EGFL6: variants seen among roughly 807,000 people sequenced by gnomAD.
The protein encoded by EGFL6 is epidermal growth factor-like protein 6.
Under a neutral mutation model 43.1 loss-of-function variants are expected in EGFL6, and 42 were observed. The ratio of observed to expected loss-of-function variants is 0.98; its 90% CI spans 0.76 to 1.26. EGFL6 has a LOEUF of 1.26. Among genes scored for constraint, EGFL6 ranks in the 50% most tolerant of loss-of-function variants. The pLI is 0.00. For missense variants in EGFL6, 429 were observed against 427.8 expected (o/e 1.00, Z -0.02); for synonymous variants, 164 against 163.2 (o/e 1.01, Z -0.04).
intron 11 of EGFL6, among the ~76,000 whole-genome samples, chrX:13,632,395 G>A (rs1208313644): frequency 3.0e-5 from 3 of 100,818 alleles, no homozygotes; most frequent in Admixed American, 1.1e-4. Flanking sequence ...TCCGCCTCCC[G>A]GGTTCACGCC....
At chrX:13,585,123 A>G (rs892062585) in intron 1 of EGFL6, among the ~76,000 whole-genome samples, 3 of 111,696 alleles carry the variant, frequency 2.7e-5, no homozygotes, top group African/African-American at 9.8e-5. Context: ...CTTGATTCAC[A>G]AGACCCTCTG....
intron 2 of EGFL6, among the ~76,000 whole-genome samples, chrX:13,594,394 G>A (rs973051296): frequency 1.8e-5 from 2 of 111,223 alleles, no homozygotes; most frequent in South Asian, 7.6e-4. Context: ...CCATCCTTAG[G>A]GCTAGAAGCA....
At chrX:13,620,173 T>C (rs771671717) in intron 9 of EGFL6, among the ~76,000 whole-genome samples, 1 of 111,511 alleles carries the variant, frequency 9.0e-6, no homozygotes, top group African/African-American at 3.3e-5. Flanking sequence ...TTCTTAGGCA[T>C]GATCCCTAAT....
At chrX:13,607,443 C>G (rs944830369) in intron 6 of EGFL6, among the ~76,000 whole-genome samples, 1 of 111,722 alleles carries the variant, frequency 9.0e-6, no homozygotes, top group African/African-American at 3.3e-5. Context: ...TCTTGTGAAG[C>G]CTCTACAACT....
intron 10 of EGFL6, chrX:13,625,227 C>A (rs4830872): frequency 0.44 from 48,433 of 110,133 alleles, 7,983 homozygotes; most frequent in East Asian, 0.64. Flanking sequence ...CCTGCTCCTC[C>A]TGCACCTCCA....
In EGFL6 at chrX:13,619,093, TTTGA is replaced by T. The variant is rs754805301; in HGVS notation, c.1103-64_1103-61del. 3 of 837,262 alleles carry T rather than the reference TTTGA, an allele frequency of 3.6e-6. No homozygotes were observed. The African/African-American group carries it at 6.0e-5, about 17-fold the overall frequency. 69.0% of individuals were successfully genotyped at this position (837,262 alleles called of 1,213,427 possible). A position where few individuals can be genotyped will look rare whatever the true frequency, so the allele number is the denominator to read the frequency against. Reference sequence around the variant, plus strand: ...TGATCTAACCTTCTTTGTTTGGTCATTTGATTGATACCTTCTGAGCATGTGGGCT... The same window carrying T: ...TGATCTAACCTTCTTTGTTTGGTCATTTGATACCTTCTGAGCATGTGGGCT... On this transcript the variant is annotated intron_variant, in intron 8 of 11. Transcript: ENST00000361306.
At chrX:13,620,123 A>G (rs986707637) in intron 9 of EGFL6, among the ~76,000 whole-genome samples, 5 of 111,257 alleles carry the variant, frequency 4.5e-5, no homozygotes, top group South Asian at 7.7e-4. Context: ...AATCAGGACC[A>G]TTTTTGCGAT....
chrX:13,596,456 C>G (rs1446628294), intron 3 of EGFL6: 1 of 112,290 alleles, frequency 8.9e-6, no homozygotes, highest in African/African-American at 3.2e-5. Context: ...GCTAGCACCT[C>G]CAAACAAGCT....
chrX:13,589,338 A>G (rs927910580), intron 1 of EGFL6, among the ~76,000 whole-genome samples: 2 of 112,156 alleles, frequency 1.8e-5, no homozygotes, highest in Non-Finnish European at 3.8e-5. Flanking sequence ...AGTTTTATAG[A>G]TTCTTTTAAC....
At chrX:13,597,702 T>C (rs1365174085) in intron 3 of EGFL6, among the ~76,000 whole-genome samples, 1 of 111,126 alleles carries the variant, frequency 9.0e-6, no homozygotes, top group African/African-American at 3.3e-5. Flanking sequence ...GAGAATCACA[T>C]GAACCTGGGA....
At chrX:13,588,370 A>G (rs1033430191) in intron 1 of EGFL6, among the ~76,000 whole-genome samples, 7 of 112,484 alleles carry the variant, frequency 6.2e-5, no homozygotes, top group Admixed American at 9.4e-5. Context: ...CAGAAAGCAC[A>G]TGGTAAAATG....
chrX:13,594,369 T>C (rs1323379930), intron 2 of EGFL6, among the ~76,000 whole-genome samples: 1 of 112,136 alleles, frequency 8.9e-6, no homozygotes, highest in East Asian at 2.8e-4. Context: ...ATCATCATCA[T>C]GATGCTTTTA....
chrX:13,617,889 T>G lies in EGFL6; in HGVS notation c.938T>G (p.Leu313Trp), dbSNP rs2045727749. The stretch of plus-strand genomic sequence containing the variant: ...AGGACTCCTACCCCTAAGGTGAACT[T>G]GCAGCCCTTCAACTATGAAGAGATA... ...PTRTPTPKVN[L>W]QPFNYEEIVS... Residue 313 changes from leucine to tryptophan, a missense_variant, in exon 8 of 12, where the codon TTG becomes TGG. Leu to Trp is a moderately conservative substitution (Grantham distance 61, BLOSUM62 -2). Transcript: ENST00000361306. 1 of 1,211,258 alleles carries G rather than the reference T, an allele frequency of 8.3e-7. No homozygotes were observed. Among genetic ancestry groups the G allele is most frequent in the African/African-American group, 1.7e-5 (1 of 57,597 alleles).
chrX:13,619,148 A>G lies in EGFL6; in HGVS notation c.1103-15A>G. The G allele has an allele frequency of 8.3e-7, 1 of 1,204,451 alleles. No individual in the cohort carries two copies. The highest frequency in any genetic ancestry group is 1.1e-6 in the Non-Finnish European group (1 of 888,977). Reference sequence around the variant, plus strand: ...TTAAGGTTTTTTTCTTAACTGACCAAGTGTTCTTTATTAGTCCCTAAGGTG... The same window carrying G: ...TTAAGGTTTTTTTCTTAACTGACCAGGTGTTCTTTATTAGTCCCTAAGGTG... On this transcript the variant is annotated splice_polypyrimidine_tract_variant and intron_variant, in intron 8 of 11. Coordinates refer to ENST00000361306, the MANE Select transcript of EGFL6 (RefSeq NM_015507.4).
chrX:13,589,662 T>A lies in EGFL6; in HGVS notation c.181T>A (p.Cys61Ser). ...CTGGAGAAGAAACAGCAAGGGAGTC[T>A]GTGAAGGTAATTTTGTAAAAACTCA... ...YGWRRNSKGVCEATCEPGCKF... is the reference protein window; with the variant it reads ...YGWRRNSKGVSEATCEPGCKF... Residue 61 changes from cysteine (C) to serine (S), a missense_variant, in exon 2 of 12, where the codon TGT (cysteine) becomes AGT (serine). Physicochemically the swap from Cys to Ser is moderately radical, Grantham distance 112. Coordinates refer to ENST00000361306, the MANE Select transcript of EGFL6 (RefSeq NM_015507.4). 8.3e-7 allele frequency: 1 copy of A among 1,207,637 alleles called. No individual in the cohort carries two copies. Among genetic ancestry groups the A allele is most frequent in the Non-Finnish European group, 1.1e-6 (1 of 892,615 alleles).
intron 8 of EGFL6, 120 bp from the exon 9 acceptor site, chrX:13,619,043 T>C (rs1295835237): frequency 1.9e-6 from 1 of 530,132 alleles, no homozygotes; most frequent in African/African-American, 2.3e-5. Context: ...AACACTGCTC[T>C]AATATATTCT....
At chrX:13,589,691 C>T (rs2045553162) in intron 2 of EGFL6, 23 bp downstream of exon 2, 1 of 1,163,698 alleles carries the variant, frequency 8.6e-7, no homozygotes, top group Non-Finnish European at 1.2e-6. Flanking sequence ...AAACTCAGAC[C>T]CTGCACTTGG....
intron 1 of EGFL6, among the ~76,000 whole-genome samples, chrX:13,576,069 G>A (rs933571761): frequency 5.4e-5 from 6 of 111,644 alleles, no homozygotes; most frequent in African/African-American, 1.6e-4. Flanking sequence ...GTGTTGGGCC[G>A]TTCTTGCATT....
Position 13,623,814 on chromosome X carries a change from T to G in EGFL6, c.1184-10T>G. 8.4e-7 allele frequency: 1 copy of G among 1,193,925 alleles called. No homozygotes were observed. The highest frequency in any genetic ancestry group is 1.1e-6 in the Non-Finnish European group (1 of 879,780). On this transcript the variant is annotated splice_polypyrimidine_tract_variant and intron_variant, in intron 9 of 11. Transcript: ENST00000361306. ...TAGGGGTTATGAAATATGTTCTTTC[T>G]TTTTAGCAGATTTAAATATCTCGGT...
Sources: allele counts gnomAD v4.1 joint callset (sites outside exome capture counted in the v4.1 genomes callset), GRCh38; gene constraint gnomAD v4.1.1; transcripts MANE v1.5; gene names NCBI Gene and HGNC (gene_info 2026-07-23, HGNC 2026-07-21).